LATS1: variants seen among roughly 807,000 people sequenced by gnomAD.
The protein encoded by LATS1 is serine/threonine-protein kinase LATS1.
A neutral mutation model predicts 106.6 loss-of-function variants in LATS1; 25 were observed. That is an observed-to-expected ratio of 0.23 (90% CI 0.17 to 0.33). The LOEUF is 0.33. Among genes scored for constraint, LATS1 ranks in the 10% least tolerant of loss-of-function variants. The pLI is 1.00. For missense variants in LATS1, 1,040 were observed against 1,382.6 expected, an observed-to-expected ratio of 0.75 and a Z score of 3.93; for synonymous variants, 465 against 455.6, an observed-to-expected ratio of 1.02 and a Z score of -0.26.
chr6:149,696,241 G>A (rs1416330307), intron 2 of LATS1, among the ~76,000 whole-genome samples: 1 of 148,072 alleles, frequency 6.8e-6, no homozygotes, highest in Non-Finnish European at 1.5e-5. Flanking sequence ...GAGACTATCA[G>A]ATTGTTAAAA....
intron 7 of LATS1, among the ~76,000 whole-genome samples, chr6:149,668,169 T>G (rs1241599627): frequency 6.6e-6 from 1 of 152,186 alleles, no homozygotes; most frequent in Non-Finnish European, 1.5e-5. Context: ...TCCACCTGCC[T>G]TGGCCTCCCA....
intron 4 of LATS1, among the ~76,000 whole-genome samples, chr6:149,681,902 C>A (rs1434080414): frequency 6.6e-6 from 1 of 152,034 alleles, no homozygotes; most frequent in Non-Finnish European, 1.5e-5. Context: ...GTCATGGCGT[C>A]AAGAGATCAA....
intron 2 of LATS1, 34 bp from the exon 3 acceptor site, chr6:149,695,255 A>G (rs1782992720): frequency 1.4e-6 from 2 of 1,425,144 alleles, no homozygotes; most frequent in Non-Finnish European, 1.9e-6. Flanking sequence ...AAAAAGAAAC[A>G]AAATTTAAAT....
chr6:149,701,280 T>G (rs764726755), intron 2 of LATS1, among the ~76,000 whole-genome samples: 1 of 152,244 alleles, frequency 6.6e-6, no homozygotes, highest in Non-Finnish European at 1.5e-5. Flanking sequence ...TATTAAAGAC[T>G]TGGCAGTTAG....
At chr6:149,663,622 G>A (rs940923941) in intron 7 of LATS1, among the ~76,000 whole-genome samples, 14 of 151,890 alleles carry the variant, frequency 9.2e-5, no homozygotes, top group African/African-American at 1.7e-4. Context: ...ATACTCCCTC[G>A]TCTATTATTT....
intron 7 of LATS1, among the ~76,000 whole-genome samples, chr6:149,665,807 G>A (rs529832470): frequency 1.3e-5 from 2 of 152,056 alleles, no homozygotes; most frequent in Non-Finnish European, 2.9e-5. Context: ...GAACCCAACC[G>A]GGTTTAATGC....
rs753240930 is a variant in LATS1 at position 149,701,866 on chromosome 6, T to C, written c.261A>G (p.Pro87=). The change falls in exon 2 of 8, where the codon CCA becomes CCG. Residue 87 remains proline, a synonymous_variant. Transcript: ENST00000543571. The part of the protein sequence containing the change: ...ALQEIRNSLL[P]FANETNSSRS... ...GAGAAGAATTTGTTTCATTTGCAAA[T>C]GGAAGCAGAGAGTTTCGAATTTCCT... 8 of 1,614,174 alleles carry C rather than the reference T, an allele frequency of 5.0e-6. No homozygotes were observed. The highest frequency in any genetic ancestry group is 4.2e-6 in the Non-Finnish European group (5 of 1,180,010).
intron 2 of LATS1, chr6:149,697,109 G>C (rs893479240): frequency 9.0e-6 from 12 of 1,335,594 alleles, no homozygotes; most frequent in Non-Finnish European, 1.2e-5. Flanking sequence ...AGAGGATTCA[G>C]TATTTCAAAC....
Position 149,664,384 on chromosome 6 carries a change from T to C in LATS1, c.2884-2146A>G, listed in dbSNP as rs1206182258. Among the ~76,000 whole-genome samples, 7 of 152,126 alleles carry C rather than the reference T, an allele frequency of 4.6e-5. No individual in the cohort carries two copies. The East Asian group carries it at 9.7e-4, about 21-fold the overall frequency. ...TTTGAAGGGATAATGACAGAGAATT[T>C]CCCCAAATCGATGAAAGTCATTAAT... On this transcript the variant is annotated intron_variant, in intron 7 of 7. Coordinates refer to ENST00000543571, the MANE Select transcript of LATS1 (RefSeq NM_004690.4).
intron 1 of LATS1, among the ~76,000 whole-genome samples, chr6:149,707,980 T>G (rs976178143): frequency 6.6e-6 from 1 of 152,098 alleles, no homozygotes; most frequent in East Asian, 1.9e-4. Flanking sequence ...CTCTTTACTT[T>G]TGTGTATTCT....
In LATS1 at chr6:149,659,851, T is replaced by C. The variant is rs1222484021; in HGVS notation, c.*1878A>G. The C allele has an allele frequency of 8.8e-6, 2 of 226,656 alleles. No individual in the cohort carries two copies. Among genetic ancestry groups the C allele is most frequent in the Non-Finnish European group, 1.8e-5 (2 of 114,138 alleles). 14.0% of individuals were successfully genotyped at this position (226,656 alleles called of 1,614,324 possible). On this transcript the variant is annotated 3_prime_UTR_variant, in exon 8 of 8. Transcript: ENST00000543571. ...TCTGATTAGAAATCCTTCAGAAATA[T>C]TTCTGTATCAAGCTTGTAATGAGCC...
intron 1 of LATS1, among the ~76,000 whole-genome samples, chr6:149,713,297 TTC>T (rs1784206789): frequency 6.6e-6 from 1 of 152,074 alleles, no homozygotes; most frequent in South Asian, 2.1e-4. Flanking sequence ...TTGTATTATT[TTC>T]TTTTTTTTTT....
chr6:149,682,942 C>T, intron 4 of LATS1, 137 bp downstream of exon 4: 1 of 661,296 alleles, frequency 1.5e-6, no homozygotes, highest in Non-Finnish European at 2.4e-6. Context: ...AATATTTATT[C>T]ACTTTTAAAT....
chr6:149,662,789 C>T (rs191108916), intron 7 of LATS1, among the ~76,000 whole-genome samples: 21 of 151,764 alleles, frequency 1.4e-4, no homozygotes, highest in Admixed American at 1.4e-3. Context: ...CAAAGCGAGA[C>T]CCCCTCTCTA....
At position 149,695,078 on chromosome 6, in the gene LATS1, T is replaced by C; in HGVS notation, c.492A>G (p.Lys164=). 6.3e-7 allele frequency: 1 copy of C among 1,589,324 alleles called. No individual in the cohort carries two copies. The highest frequency in any genetic ancestry group is 8.5e-7 in the Non-Finnish European group (1 of 1,171,706). ...ATAAAATATTTGATTAATCACCTGG[T>C]TTCATGCTGGCATTAATAGGTCTGG... The part of the protein sequence containing the change: ...AAARPINASM[K]PGNVQQSVNR... The change falls in exon 3 of 8, where the codon AAA becomes AAG. Residue 164 remains lysine, a synonymous_variant. Coordinates refer to ENST00000543571, the MANE Select transcript of LATS1 (RefSeq NM_004690.4).
intron 3 of LATS1, among the ~76,000 whole-genome samples, chr6:149,687,788 C>T (rs948055619): frequency 6.6e-6 from 1 of 150,816 alleles, no homozygotes; most frequent in Non-Finnish European, 1.5e-5. Context: ...AGGCTGGTCT[C>T]GAACTCCTGG....
intron 1 of LATS1, among the ~76,000 whole-genome samples, chr6:149,714,845 C>T (rs1273251050): frequency 2.6e-5 from 4 of 151,952 alleles, no homozygotes; most frequent in South Asian, 2.1e-4. Flanking sequence ...TTGTGACAGA[C>T]GAAAATGGTA....
intron 3 of LATS1, among the ~76,000 whole-genome samples, chr6:149,689,339 T>A (rs1481773944): frequency 6.7e-6 from 1 of 148,636 alleles, no homozygotes; most frequent in East Asian, 2.0e-4. Flanking sequence ...AAGAAGCCGA[T>A]AAAGGTAGAG....
In LATS1 at chr6:149,717,120, A is replaced by C. The variant is rs568453663; in HGVS notation, c.-141+729T>G. Among the ~76,000 whole-genome samples the C allele has an allele frequency of 3.3e-5, 5 of 152,340 alleles. No individual in the cohort carries two copies. The East Asian group carries it at 9.6e-4, about 29-fold the overall frequency. ...CACTAGATTTATGAATAACTTCTGG[A>C]GGATGATACATGTTTTAAAAGCCGT... On this transcript the variant is annotated intron_variant, in intron 1 of 7. Coordinates refer to ENST00000543571, the MANE Select transcript of LATS1 (RefSeq NM_004690.4).
Sources: gnomAD v4.1 joint callset for allele counts (sites outside exome capture counted in the v4.1 genomes callset) on GRCh38, gnomAD v4.1.1 for gene constraint, MANE v1.5 for transcripts, NCBI Gene and HGNC (gene_info 2026-07-23, HGNC 2026-07-21) for gene names.